Variants in METTL15 observed in about 807,000 individuals in gnomAD.
The protein encoded by METTL15 is methyltransferase 15, mitochondrial 12S rRNA N4-cytidine.
A neutral mutation model predicts 38.3 loss-of-function variants in METTL15; 34 were observed. That is an observed-to-expected ratio of 0.89 (90% CI 0.68 to 1.18). The LOEUF (loss-of-function observed/expected upper bound fraction) is 1.18. METTL15 is among the 50% of genes most tolerant of loss of function. METTL15 has a pLI of 0.00. For synonymous variants in METTL15, 162 were observed against 170.9 expected, an observed-to-expected ratio of 0.95 and a Z score of 0.41; for missense variants, 438 against 498.4, an observed-to-expected ratio of 0.88 and a Z score of 1.15.
At chr11:28,216,415 G>C (rs1325238528) in intron 4 of METTL15, among the ~76,000 whole-genome samples, 2 of 152,076 alleles carry the variant, frequency 1.3e-5, no homozygotes, top group African/African-American at 4.8e-5. Context: ...TACAATGCCT[G>C]TCAGACTTGA....
intron 3 of METTL15, among the ~76,000 whole-genome samples, chr11:28,129,656 T>C (rs887730033): frequency 6.6e-6 from 1 of 152,174 alleles, no homozygotes; most frequent in Admixed American, 6.5e-5. Flanking sequence ...GTGGTCTGTC[T>C]GTCTGTGCCT....
intron 6 of METTL15, among the ~76,000 whole-genome samples, chr11:28,522,963 C>T (rs972103354): frequency 6.6e-6 from 1 of 152,188 alleles, no homozygotes; most frequent in Admixed American, 6.5e-5. Flanking sequence ...ATGCCAAGAA[C>T]TTTGCGAGGT....
rs1352068348 is a variant in METTL15 at position 28,259,681 on chromosome 11, T to C, written c.408-30525T>C. Among the ~76,000 whole-genome samples, 4 of 152,232 alleles carry C rather than the reference T, an allele frequency of 2.6e-5. No individual in the cohort carries two copies. In the East Asian group the frequency reaches 7.7e-4, roughly 29 times the overall value. ...AGTGCCTCATAAATGCTGCACTTTC[T>C]TTCTCCCCTGAGCATAGAAACACTC... On this transcript the variant is annotated intron_variant, in intron 4 of 6. Transcript: ENST00000407364.
intron 6 of METTL15, among the ~76,000 whole-genome samples, chr11:28,458,679 G>A (rs1331656579): frequency 2.0e-5 from 3 of 152,228 alleles, no homozygotes; most frequent in Non-Finnish European, 2.9e-5. Context: ...GGGTCCACAA[G>A]GTGATTGCCT....
chr11:28,530,264 C>G (rs562530689), downstream of METTL15, among the ~76,000 whole-genome samples: 1 of 152,068 alleles, frequency 6.6e-6, no homozygotes, highest in Non-Finnish European at 1.5e-5. Flanking sequence ...TATTACATGC[C>G]TAAATAATGC....
chr11:28,517,776 T>C (rs949105752), intron 6 of METTL15, among the ~76,000 whole-genome samples: 7 of 152,234 alleles, frequency 4.6e-5, no homozygotes, highest in Non-Finnish European at 7.3e-5. Flanking sequence ...CAATGATGTG[T>C]GTGGGGAATT....
intron 3 of METTL15, among the ~76,000 whole-genome samples, chr11:28,208,845 G>C (rs893121240): frequency 1.4e-4 from 22 of 151,934 alleles, no homozygotes; most frequent in African/African-American, 5.3e-4. Context: ...GTGCTGGTTG[G>C]CTCATGAGGC....
intron 6 of METTL15, among the ~76,000 whole-genome samples, chr11:28,494,570 A>G (rs1462326457): frequency 3.9e-5 from 6 of 152,042 alleles, no homozygotes; most frequent in Non-Finnish European, 7.4e-5. Context: ...GAGATGGAGA[A>G]TGATATGGTT....
At chr11:28,290,492 A>G in intron 5 of METTL15, 95 bp downstream of exon 5, 1 of 1,089,844 alleles carries the variant, frequency 9.2e-7, no homozygotes, top group Non-Finnish European at 1.3e-6. Context: ...AATTTCCATT[A>G]CATGCCTACA....
chr11:28,301,534 T>C (rs1010214587), intron 6 of METTL15, among the ~76,000 whole-genome samples: 1 of 152,122 alleles, frequency 6.6e-6, no homozygotes, highest in Non-Finnish European at 1.5e-5. Flanking sequence ...ATAAAGCACT[T>C]GAAATGTAGT....
intron 5 of METTL15, among the ~76,000 whole-genome samples, chr11:28,389,377 C>T (rs1182078720): frequency 6.3e-5 from 7 of 111,494 alleles, no homozygotes; most frequent in Non-Finnish European, 5.4e-5. Context: ...GCTGTCCCTC[C>T]CCCCTCCCCC....
At chr11:28,483,334 A>ATAGCTCC (rs1554930652) in intron 6 of METTL15, among the ~76,000 whole-genome samples, 1 of 152,204 alleles carries the variant, frequency 6.6e-6, no homozygotes, top group Non-Finnish European at 1.5e-5. Flanking sequence ...ATTGATGTTC[A>ATAGCTCC]TAGCTCCATC....
intron 3 of METTL15, among the ~76,000 whole-genome samples, chr11:28,135,928 C>G (rs1849499703): frequency 6.6e-6 from 1 of 152,168 alleles, no homozygotes; most frequent in South Asian, 2.1e-4. Flanking sequence ...ATTCTGTTAA[C>G]TCTTGTTCTA....
chr11:28,250,235 A>G (rs1565201522), intron 4 of METTL15, among the ~76,000 whole-genome samples: 2 of 152,052 alleles, frequency 1.3e-5, no homozygotes. Flanking sequence ...TTGGGTATAT[A>G]CCCAATAATG....
At chr11:28,121,202 T>C (rs1852218963) in intron 3 of METTL15, among the ~76,000 whole-genome samples, 1 of 152,204 alleles carries the variant, frequency 6.6e-6, no homozygotes, top group African/African-American at 2.4e-5. Context: ...TTCATTGTTA[T>C]TGATTGGAAA....
intron 5 of METTL15, among the ~76,000 whole-genome samples, chr11:28,418,523 A>G (rs542443825): frequency 1.3e-5 from 2 of 152,278 alleles, no homozygotes; most frequent in South Asian, 4.1e-4. Context: ...ACAGAGCATG[A>G]TGGCTCAATA....
At chr11:28,299,055 C>T (rs1030621799) in intron 6 of METTL15, among the ~76,000 whole-genome samples, 1 of 152,054 alleles carries the variant, frequency 6.6e-6, no homozygotes, top group Non-Finnish European at 1.5e-5. Context: ...AGTGAAAATT[C>T]TCTTTCCTAT....
chr11:28,476,662 C>G (rs1383737314), intron 6 of METTL15, among the ~76,000 whole-genome samples: 1 of 152,164 alleles, frequency 6.6e-6, no homozygotes, highest in Non-Finnish European at 1.5e-5. Context: ...GAAGGGCAAG[C>G]CCTGGAATGC....
chr11:28,268,014 G>A (rs993814985), intron 4 of METTL15, among the ~76,000 whole-genome samples: 8 of 151,516 alleles, frequency 5.3e-5, no homozygotes, highest in African/African-American at 1.9e-4. Context: ...CGGCTAAAAC[G>A]GTGAAACCCC....
Sources: gnomAD v4.1 joint callset for allele counts (sites outside exome capture counted in the v4.1 genomes callset) on GRCh38, gnomAD v4.1.1 for gene constraint, MANE v1.5 for transcripts, NCBI Gene and HGNC (gene_info 2026-07-23, HGNC 2026-07-21) for gene names.